CCDC12: variants seen among roughly 807,000 people sequenced by gnomAD.
CCDC12 encodes the protein coiled-coil domain-containing protein 12.
Under a neutral mutation model 25.7 loss-of-function variants are expected in CCDC12, and 28 were observed. That is an observed-to-expected ratio of 1.09 (90% CI 0.81 to 1.50). The LOEUF (loss-of-function observed/expected upper bound fraction) is 1.50. CCDC12 is among the 40% of genes most tolerant of loss of function. CCDC12 has a pLI of 0.00. For missense variants in CCDC12, 198 were observed against 210.0 expected, an observed-to-expected ratio of 0.94 and a Z score of 0.35; for synonymous variants, 75 against 87.7, an observed-to-expected ratio of 0.86 and a Z score of 0.81.
chr3:46,975,185 T>TC lies in CCDC12; in HGVS notation c.96+1451dup, dbSNP rs1310079257. Among the ~76,000 whole-genome samples the TC allele has an allele frequency of 4.6e-5, 7 of 151,316 alleles. No homozygotes were observed. The East Asian group carries it at 1.4e-3, about 29-fold the overall frequency. On this transcript the variant is annotated intron_variant, in intron 1 of 6. Transcript: ENST00000683445. ...AAAGAACTAAGGCCCTCTTCTTTTTTCCCAATTTTTTTTTTTTTTGAGACC... is the reference window on the plus strand; with the variant it reads ...AAAGAACTAAGGCCCTCTTCTTTTTTCCCCAATTTTTTTTTTTTTTGAGACC...
intron 1 of CCDC12, among the ~76,000 whole-genome samples, chr3:46,956,506 G>A (rs2034291487): frequency 6.6e-6 from 1 of 152,194 alleles, no homozygotes; most frequent in Non-Finnish European, 1.5e-5. Context: ...GGGCAGGCAG[G>A]ATAGGAAGAA....
chr3:46,954,397 G>A (rs1371885988), intron 1 of CCDC12, among the ~76,000 whole-genome samples: 2 of 152,184 alleles, frequency 1.3e-5, no homozygotes, highest in African/African-American at 4.8e-5. Context: ...ACCTCAGTGG[G>A]TGGCCCCTGT....
intron 1 of CCDC12, among the ~76,000 whole-genome samples, chr3:46,951,798 A>AAAAAAAAAAAAAAAATATATATATATAT: frequency 1.2e-4 from 1 of 8,466 alleles, no homozygotes; most frequent in Non-Finnish European, 2.8e-4. Flanking sequence ...AAAAAAAAAA[A>AAAAAAAAAAAAAAAATATATATATATAT]ATATATATAT....
intron 5 of CCDC12, 124 bp from the exon 6 acceptor site, chr3:46,922,436 T>C (rs2032724193): frequency 9.8e-7 from 1 of 1,016,702 alleles, no homozygotes; most frequent in African/African-American, 1.6e-5. Context: ...GGGGCTGCCC[T>C]GGGGAAGAGG....
chr3:46,941,577 A>T (rs1357343414), intron 1 of CCDC12, among the ~76,000 whole-genome samples: 3 of 151,420 alleles, frequency 2.0e-5, no homozygotes, highest in Non-Finnish European at 2.9e-5. Context: ...AAAAAAAAAA[A>T]AGCAACAAAA....
At chr3:46,978,034 C>G (rs117576921), upstream of CCDC12, among the ~76,000 whole-genome samples, 26 of 152,386 alleles carry the variant, frequency 1.7e-4, no homozygotes, top group East Asian at 5.0e-3. Context: ...TCCACCTCCA[C>G]TGCCAGGGGA....
intron 1 of CCDC12, among the ~76,000 whole-genome samples, chr3:46,972,773 T>TA (rs34559587): frequency 0.39 from 55,485 of 141,058 alleles, 10,868 homozygotes; most frequent in Middle Eastern, 0.52. Context: ...CTGACTCCTT[T>TA]AAAAAAAAAA....
Position 46,976,515 on chromosome 3 carries a change from G to A in CCDC12, c.96+122C>T, listed in dbSNP as rs946327963. The A allele has an allele frequency of 7.6e-6, 11 of 1,448,336 alleles. No individual in the cohort carries two copies. In the Admixed American group the frequency reaches 1.1e-4, roughly 14 times the overall value. The allele number at this position is 1,448,336 out of a possible 1,614,324, so 89.7% of individuals were successfully genotyped here. A position where few individuals can be genotyped will look rare whatever the true frequency, so the allele number is the denominator to read the frequency against. Reference sequence around the variant, plus strand: ...GCGCCGTCTTCTCGCGCATGCGTTAGCGCCCGCGCATGCGCGCCCTCGGCA... The same window carrying A: ...GCGCCGTCTTCTCGCGCATGCGTTAACGCCCGCGCATGCGCGCCCTCGGCA... On this transcript the variant is annotated intron_variant, in intron 1 of 6. Transcript: ENST00000683445.
intron 1 of CCDC12, among the ~76,000 whole-genome samples, chr3:46,964,060 GC>G (rs759340157): frequency 5.6e-4 from 84 of 151,326 alleles, no homozygotes; most frequent in Admixed American, 1.1e-3. Flanking sequence ...GAGCGCCTTT[GC>G]CCCGCCGCCC....
At chr3:46,950,496 T>TGGG (rs745351220) in intron 1 of CCDC12, among the ~76,000 whole-genome samples, 71,811 of 149,118 alleles carry the variant, frequency 0.48, 18,018 homozygotes, top group Non-Finnish European at 0.56. Flanking sequence ...TTTTTTTTTT[T>TGGG]GGGGTAGAGA....
chr3:46,923,662 T>C lies in CCDC12; in HGVS notation c.251A>G (p.Glu84Gly). 1 of 1,560,898 alleles carries C rather than the reference T, an allele frequency of 6.4e-7. No homozygotes were observed. The highest frequency in any genetic ancestry group is 1.4e-5 in the African/African-American group (1 of 73,494). ...VPQAKPVAVE[E>G]KVKEQLEAAK... ...GGCCTCCAGCTGCTCCTTCACCTTC[T>C]CCTCCACTAGAGGGTGCAATTAAAC... Residue 84 changes from glutamate to glycine, a missense_variant, in exon 4 of 7, where the codon GAG becomes GGG. Glu to Gly is a moderately conservative substitution (Grantham distance 98). Coordinates refer to ENST00000683445, the MANE Select transcript of CCDC12 (RefSeq NM_001277074.2).
At chr3:46,980,973 C>CTGGCCCA (rs2035289839), upstream of CCDC12, among the ~76,000 whole-genome samples, 3 of 152,194 alleles carry the variant, frequency 2.0e-5, no homozygotes, top group African/African-American at 7.2e-5. Context: ...CATAAGGAGG[C>CTGGCCCA]TGGCCCACTG....
chr3:46,929,250 A>G (rs1333283040), intron 2 of CCDC12, among the ~76,000 whole-genome samples: 2 of 152,256 alleles, frequency 1.3e-5, no homozygotes, highest in African/African-American at 4.8e-5. Flanking sequence ...CATACAATTA[A>G]CAAGTTAACA....
In CCDC12 at chr3:46,922,311, C is replaced by A. The variant is rs764400104; in HGVS notation, c.343G>T (p.Asp115Tyr). The change falls in exon 6 of 7, where the codon GAC becomes TAC. Residue 115 changes from aspartate (D) to tyrosine (Y), a missense_variant and splice_region_variant. Transcript: ENST00000683445. ...TTCTTGGCCACATCTCTCTTGAGGT[C>A]CCTGGAGCAGGGAGGCAGGGAGAAG... The part of the protein sequence containing the change: ...ANLAPRKPDW[D>Y]LKRDVAKKLE... The A allele has an allele frequency of 5.0e-6, 8 of 1,614,230 alleles. No homozygotes were observed. The highest frequency in any genetic ancestry group is 6.8e-6 in the Non-Finnish European group (8 of 1,180,040).
chr3:46,979,808 C>T (rs1379005217), upstream of CCDC12: 1 of 396,866 alleles, frequency 2.5e-6, no homozygotes, highest in Non-Finnish European at 4.4e-6. Flanking sequence ...CGGCGGGCGG[C>T]GCGGAGGAGG....
upstream of CCDC12, among the ~76,000 whole-genome samples, chr3:46,978,145 T>C (rs574573912): frequency 7.2e-5 from 11 of 152,294 alleles, no homozygotes; most frequent in South Asian, 1.0e-3. Flanking sequence ...CAGAGGCCCA[T>C]GGGCCACAGA....
At chr3:46,948,512 G>A (rs959457312) in intron 1 of CCDC12, among the ~76,000 whole-genome samples, 1 of 152,210 alleles carries the variant, frequency 6.6e-6, no homozygotes, top group Non-Finnish European at 1.5e-5. Flanking sequence ...GAAGGAAGGC[G>A]CCTTTGACAA....
chr3:46,925,079 T>C (rs1309797860), intron 3 of CCDC12: 2 of 383,014 alleles, frequency 5.2e-6, no homozygotes, highest in Non-Finnish European at 1.0e-5. Flanking sequence ...CCCCTGTCTC[T>C]GACCCACCCA....
At chr3:46,929,797 C>T (rs550622129) in intron 2 of CCDC12, among the ~76,000 whole-genome samples, 24 of 151,748 alleles carry the variant, frequency 1.6e-4, no homozygotes, top group South Asian at 1.5e-3. Flanking sequence ...GAGGCCGAGG[C>T]GGGTGGATCA....
Sources: gnomAD v4.1 joint callset for allele counts (sites outside exome capture counted in the v4.1 genomes callset) on GRCh38, gnomAD v4.1.1 for gene constraint, MANE v1.5 for transcripts, NCBI Gene and HGNC (gene_info 2026-07-23, HGNC 2026-07-21) for gene names.